CTNND2: variants seen among roughly 807,000 people sequenced by gnomAD.
The protein encoded by CTNND2 is catenin delta-2.
Under a neutral mutation model 144.4 loss-of-function variants are expected in CTNND2, and 22 were observed. The observed-to-expected ratio is 0.15, with a 90% CI of 0.11 to 0.22. CTNND2 has a LOEUF of 0.22. Among genes scored for constraint, CTNND2 ranks in the 10% least tolerant of loss-of-function variants. The pLI, the probability that CTNND2 is intolerant of heterozygous loss-of-function variation, is 1.00. For synonymous variants in CTNND2, 751 were observed against 695.6 expected (o/e 1.08, Z -1.25); for missense variants, 1,353 against 1,618.8 (o/e 0.84, Z 2.82).
chr5:11,048,486 G>C (rs1432836348), intron 16 of CTNND2, among the ~76,000 whole-genome samples: 1 of 152,184 alleles, frequency 6.6e-6, no homozygotes, highest in Non-Finnish European at 1.5e-5. Flanking sequence ...CAGAGAGAAG[G>C]AAATGTTTCA....
At chr5:11,592,120 CTTCCTTCT>C in intron 2 of CTNND2, among the ~76,000 whole-genome samples, 1 of 150,244 alleles carries the variant, frequency 6.7e-6, no homozygotes, top group Non-Finnish European at 1.5e-5. Context: ...ACCTTCCTTC[CTTCCTTCT>C]TTCCTGCCTT....
chr5:11,555,829 T>C (rs1438289966), intron 3 of CTNND2, among the ~76,000 whole-genome samples: 1 of 152,124 alleles, frequency 6.6e-6, no homozygotes, highest in Admixed American at 6.6e-5. Flanking sequence ...GGAATTTAAA[T>C]TGGAAGAAAA....
At chr5:11,421,747 G>A (rs567175032) in intron 3 of CTNND2, among the ~76,000 whole-genome samples, 174 of 152,166 alleles carry the variant, frequency 1.1e-3, no homozygotes, top group African/African-American at 4.1e-3. Flanking sequence ...GTGGCTCTGC[G>A]GATAACAAAG....
intron 10 of CTNND2, among the ~76,000 whole-genome samples, chr5:11,230,719 T>A (rs1740909280): frequency 6.6e-6 from 1 of 152,260 alleles, no homozygotes; most frequent in African/African-American, 2.4e-5. Context: ...AATTTTTCCT[T>A]GACTGCTTTT....
At chr5:11,737,760 A>G (rs767617432) in intron 1 of CTNND2, among the ~76,000 whole-genome samples, 12 of 152,062 alleles carry the variant, frequency 7.9e-5, no homozygotes, top group Non-Finnish European at 1.5e-4. Flanking sequence ...CCCTAATATA[A>G]CAGGACTTCA....
intron 3 of CTNND2, among the ~76,000 whole-genome samples, chr5:11,442,747 A>T (rs996785750): frequency 6.7e-6 from 1 of 149,734 alleles, no homozygotes; most frequent in Non-Finnish European, 1.5e-5. Flanking sequence ...ACCACTGTTG[A>T]TATAAAATTC....
intron 2 of CTNND2, among the ~76,000 whole-genome samples, chr5:11,707,224 A>G (rs1785760334): frequency 6.6e-6 from 1 of 152,112 alleles, no homozygotes; most frequent in Admixed American, 6.5e-5. Flanking sequence ...TTGTTGATGA[A>G]CTTTCTTACC....
intron 5 of CTNND2, among the ~76,000 whole-genome samples, chr5:11,402,357 T>C (rs1207841063): frequency 6.6e-6 from 1 of 152,220 alleles, no homozygotes; most frequent in Admixed American, 6.5e-5. Context: ...AAAAGGGTTA[T>C]TGGACCATTA....
chr5:11,581,604 C>T (rs1213955133), intron 2 of CTNND2, among the ~76,000 whole-genome samples: 1 of 152,206 alleles, frequency 6.6e-6, no homozygotes, highest in Non-Finnish European at 1.5e-5. Flanking sequence ...TATTGGCTCC[C>T]TATCTGCAGA....
rs773283086 is a variant in CTNND2 at position 11,741,199 on chromosome 5, C to T, written c.38-8927G>A. ...TCTAGGACTAGAAATACCATTTGGC[C>T]AAGCAATCCCATTACTGGCTATATA... On this transcript the variant is annotated intron_variant, in intron 1 of 21. Coordinates refer to ENST00000304623, the MANE Select transcript of CTNND2 (RefSeq NM_001332.4). 2.7e-4 allele frequency among the ~76,000 whole-genome samples: 41 copies of T among 152,194 alleles called. 1 individual carries two copies. The highest frequency in any genetic ancestry group is 3.4e-3 in the Middle Eastern group (1 of 294).
At chr5:11,138,262 GA>G (rs1756354625) in intron 12 of CTNND2, among the ~76,000 whole-genome samples, 1 of 152,188 alleles carries the variant, frequency 6.6e-6, no homozygotes, top group South Asian at 2.1e-4. Flanking sequence ...GGGCTCATGT[GA>G]TTAGACTGGG....
At chr5:11,844,069 A>C (rs1201287190) in intron 1 of CTNND2, among the ~76,000 whole-genome samples, 1 of 152,180 alleles carries the variant, frequency 6.6e-6, no homozygotes, top group Non-Finnish European at 1.5e-5. Context: ...TAGTTTACTC[A>C]TCATTTACTG....
chr5:11,697,104 T>C (rs1392970512), intron 2 of CTNND2, among the ~76,000 whole-genome samples: 2 of 152,208 alleles, frequency 1.3e-5, no homozygotes, highest in Non-Finnish European at 2.9e-5. Context: ...ACAAATATCA[T>C]TATGTATGTA....
Position 11,452,184 on chromosome 5 carries a change from T to A in CTNND2, c.288-40115A>T, listed in dbSNP as rs558597733. Among the ~76,000 whole-genome samples, 4 of 152,380 alleles carry A rather than the reference T, an allele frequency of 2.6e-5. No individual in the cohort carries two copies. In the South Asian group the frequency reaches 6.2e-4, roughly 24 times the overall value. ...TGGATAGGTTGCAAAGTCAGGCTAC[T>A]GAACATCAATAAAAACGGCAAATGC... On this transcript the variant is annotated intron_variant, in intron 3 of 21. Coordinates refer to ENST00000304623, the MANE Select transcript of CTNND2 (RefSeq NM_001332.4).
intron 2 of CTNND2, chr5:11,589,114 G>A: frequency 2.5e-6 from 2 of 796,178 alleles, no homozygotes; most frequent in Non-Finnish European, 3.0e-6. Flanking sequence ...CAGGCACAAA[G>A]GTCTCCATGG....
intron 2 of CTNND2, among the ~76,000 whole-genome samples, chr5:11,671,963 T>C (rs1050608777): frequency 1.3e-5 from 2 of 152,170 alleles, no homozygotes; most frequent in African/African-American, 4.8e-5. Context: ...AGGGGGTCTC[T>C]GAGTAGATGT....
intron 3 of CTNND2, among the ~76,000 whole-genome samples, chr5:11,511,037 T>G (rs939476706): frequency 2.0e-5 from 3 of 152,194 alleles, no homozygotes; most frequent in Non-Finnish European, 2.9e-5. Context: ...AATAGGAAAC[T>G]TCCATAATGC....
At chr5:11,141,954 A>G (rs2149736125) in intron 12 of CTNND2, among the ~76,000 whole-genome samples, 1 of 152,222 alleles carries the variant, frequency 6.6e-6, no homozygotes, top group South Asian at 2.1e-4. Context: ...TCCTTATTGC[A>G]AGAGTGAGTT....
intron 10 of CTNND2, among the ~76,000 whole-genome samples, chr5:11,213,197 C>T (rs1320622908): frequency 6.6e-6 from 1 of 152,132 alleles, no homozygotes; most frequent in Non-Finnish European, 1.5e-5. Flanking sequence ...AGCAAGGTAA[C>T]TGGTGGAGCC....
Sources: gnomAD v4.1 joint callset for allele counts (sites outside exome capture counted in the v4.1 genomes callset) on GRCh38, gnomAD v4.1.1 for gene constraint, MANE v1.5 for transcripts, NCBI Gene and HGNC (gene_info 2026-07-23, HGNC 2026-07-21) for gene names.